ZMYM2: variants seen among roughly 807,000 people sequenced by gnomAD.
The protein encoded by ZMYM2 is zinc finger MYM-type protein 2.
A neutral mutation model predicts 162.8 loss-of-function variants in ZMYM2; 56 were observed. The observed-to-expected ratio is 0.34, with a 90% confidence interval of 0.28 to 0.43. The LOEUF (loss-of-function observed/expected upper bound fraction) is 0.43. ZMYM2 is among the 20% of genes least tolerant of loss of function. The pLI is 1.00. For missense variants in ZMYM2, 1,275 were observed against 1,621.8 expected (o/e 0.79, Z 3.67); for synonymous variants, 510 against 541.6 (o/e 0.94, Z 0.81).
intron 2 of ZMYM2, among the ~76,000 whole-genome samples, chr13:19,962,388 C>G (rs951406982): frequency 6.6e-6 from 1 of 151,034 alleles, no homozygotes; most frequent in African/African-American, 2.4e-5. Context: ...GTTATATTTC[C>G]TGTCTCTCTA....
chr13:19,983,501 C>T (rs1359565063), intron 2 of ZMYM2, among the ~76,000 whole-genome samples: 1 of 152,104 alleles, frequency 6.6e-6, no homozygotes, highest in African/African-American at 2.4e-5. Context: ...GCTGTTACTT[C>T]TATAACAGTG....
intron 9 of ZMYM2, among the ~76,000 whole-genome samples, chr13:20,030,472 C>T (rs1953004557): frequency 6.7e-6 from 1 of 150,090 alleles, no homozygotes; most frequent in African/African-American, 2.5e-5. Flanking sequence ...GATCTCGGCT[C>T]ACTGCAAGCT....
At chr13:19,892,426 C>T in the ZMYM2 span, among the ~76,000 whole-genome samples, 1 of 151,568 alleles carries the variant, frequency 6.6e-6, no homozygotes, top group East Asian at 1.9e-4. Flanking sequence ...CGCCCACCGC[C>T]ACGCCCAGCT....
chr13:19,992,682 T>A (rs1032662279), intron 2 of ZMYM2, among the ~76,000 whole-genome samples: 2 of 152,072 alleles, frequency 1.3e-5, no homozygotes, highest in Admixed American at 6.6e-5. Flanking sequence ...TTTTGATTTT[T>A]TTTTTTTCCT....
chr13:19,988,985 T>C (rs988267587), intron 2 of ZMYM2, among the ~76,000 whole-genome samples: 3 of 152,126 alleles, frequency 2.0e-5, no homozygotes, highest in Non-Finnish European at 4.4e-5. Flanking sequence ...TGCATGAAAC[T>C]CTAGATTAAA....
intron 11 of ZMYM2, among the ~76,000 whole-genome samples, chr13:20,035,830 G>A (rs542709068): frequency 2.0e-5 from 3 of 152,128 alleles, no homozygotes; most frequent in East Asian, 1.9e-4. Context: ...TACCTAGTAC[G>A]ACCATCAAAC....
intron 2 of ZMYM2, among the ~76,000 whole-genome samples, chr13:19,962,724 A>T (rs570924951): frequency 6.6e-6 from 1 of 150,676 alleles, no homozygotes; most frequent in South Asian, 2.1e-4. Flanking sequence ...GGATTTCACC[A>T]TGTTGGTCAG....
At chr13:19,923,561 A>G in the ZMYM2 span, among the ~76,000 whole-genome samples, 1 of 148,100 alleles carries the variant, frequency 6.8e-6, no homozygotes, top group Non-Finnish European at 1.5e-5. Context: ...GTTTCCCTAT[A>G]TCACCCAGCC....
At chr13:19,869,383 G>A in the ZMYM2 span, among the ~76,000 whole-genome samples, 1 of 152,128 alleles carries the variant, frequency 6.6e-6, no homozygotes, top group Non-Finnish European at 1.5e-5. Context: ...AGAAATCAGT[G>A]TTAAGATATT....
the ZMYM2 span, among the ~76,000 whole-genome samples, chr13:19,920,491 G>A: frequency 3.3e-5 from 5 of 151,428 alleles, no homozygotes; most frequent in African/African-American, 4.9e-5. Flanking sequence ...GTAAAAGGGA[G>A]GAAGGGAGAA....
the ZMYM2 span, among the ~76,000 whole-genome samples, chr13:19,918,779 G>A: frequency 1.3e-5 from 2 of 152,050 alleles, no homozygotes; most frequent in Non-Finnish European, 2.9e-5. Context: ...GATTAGAGGC[G>A]TGAGCCACCA....
chr13:19,953,076 A>G, the ZMYM2 span, among the ~76,000 whole-genome samples: 39 of 152,164 alleles, frequency 2.6e-4, 1 homozygote, highest in Non-Finnish European at 4.7e-4. Flanking sequence ...ATGTTATGAC[A>G]TAGCAAGAAG....
Position 20,006,496 on chromosome 13 carries a change from G to A in ZMYM2, c.1422G>A (p.Leu474=). The A allele has an allele frequency of 2.5e-6, 4 of 1,613,684 alleles. No individual in the cohort carries two copies. The highest frequency in any genetic ancestry group is 3.4e-6 in the Non-Finnish European group (4 of 1,179,772). ...GCTGTGAACAGTGTGGAGAGTACTT[G>A]CCCAGTAAAGGTGCTGGAAATAATG... ...MNCCEQCGEY[L]PSKGAGNNVL... is the part of the protein sequence containing the mutation. Residue 474 remains leucine (L), a synonymous_variant, in exon 6 of 25, where the codon TTG becomes TTA. Coordinates refer to ENST00000610343, the MANE Select transcript of ZMYM2 (RefSeq NM_197968.4).
At chr13:19,874,300 A>G in the ZMYM2 span, among the ~76,000 whole-genome samples, 2 of 152,090 alleles carry the variant, frequency 1.3e-5, no homozygotes, top group Non-Finnish European at 2.9e-5. Context: ...GCTCACTGCA[A>G]CCTCAAACTC....
intron 6 of ZMYM2, among the ~76,000 whole-genome samples, chr13:20,011,914 AT>A (rs1458150363): frequency 6.6e-6 from 1 of 151,560 alleles, no homozygotes; most frequent in South Asian, 2.1e-4. Flanking sequence ...ATGCCCAGCT[AT>A]TTTTTTGTAT....
the ZMYM2 span, among the ~76,000 whole-genome samples, chr13:19,889,659 A>C: frequency 6.6e-6 from 1 of 151,682 alleles, no homozygotes; most frequent in African/African-American, 2.4e-5. Context: ...CCTCCTGCAC[A>C]GATGCTGATA....
At chr13:19,908,649 G>T in the ZMYM2 span, among the ~76,000 whole-genome samples, 1 of 152,048 alleles carries the variant, frequency 6.6e-6, no homozygotes, top group African/African-American at 2.4e-5. Flanking sequence ...AGTGTTTATT[G>T]CCTGGATTTA....
chr13:19,977,130 A>G, intron 2 of ZMYM2, among the ~76,000 whole-genome samples: 1 of 152,278 alleles, frequency 6.6e-6, no homozygotes, highest in East Asian at 1.9e-4. Context: ...TAGGTTTTCT[A>G]TCCTAACAGA....
At chr13:19,978,068 G>A (rs2139423891) in intron 2 of ZMYM2, among the ~76,000 whole-genome samples, 1 of 151,852 alleles carries the variant, frequency 6.6e-6, no homozygotes, top group South Asian at 2.1e-4. Context: ...TAGTAGAGAC[G>A]GGGTTTCATC....
Sources: gnomAD v4.1 joint callset for allele counts (sites outside exome capture counted in the v4.1 genomes callset) on GRCh38, gnomAD v4.1.1 for gene constraint, MANE v1.5 for transcripts, NCBI Gene and HGNC (gene_info 2026-07-23, HGNC 2026-07-21) for gene names.